Variants in TACC2 observed in about 807,000 individuals in gnomAD.
TACC2 encodes transforming acidic coiled-coil containing protein 2, also known as transforming acidic coiled-coil-containing protein 2.
TACC2 carries 137 observed loss-of-function variants against 227.3 expected under a neutral mutation model. The ratio of observed to expected loss-of-function variants is 0.60; its 90% confidence interval spans 0.52 to 0.69. The LOEUF (loss-of-function observed/expected upper bound fraction) is 0.69. Among genes scored for constraint, TACC2 ranks in the 30% least tolerant of loss-of-function variants. The pLI, the probability that TACC2 is intolerant of heterozygous loss-of-function variation, is 0.00. For missense variants in TACC2, 3,470 were observed against 3,694.4 expected, an observed-to-expected ratio of 0.94 and a Z score of 1.57; for synonymous variants, 1,523 against 1,487.5, an observed-to-expected ratio of 1.02 and a Z score of -0.55.
At chr10:122,172,843 G>C (rs1264216088) in intron 7 of TACC2, among the ~76,000 whole-genome samples, 4 of 152,126 alleles carry the variant, frequency 2.6e-5, no homozygotes, top group African/African-American at 9.7e-5. Context: ...AGGGCAGGGG[G>C]TGAGGGGCAG....
chr10:122,122,491 CTT>C (rs368366143), intron 5 of TACC2, among the ~76,000 whole-genome samples: 2 of 148,262 alleles, frequency 1.3e-5, no homozygotes, highest in African/African-American at 2.5e-5. Context: ...AAAATAATTC[CTT>C]TTTTTTTTTT....
intron 7 of TACC2, among the ~76,000 whole-genome samples, chr10:122,165,094 C>T (rs980268192): frequency 2.0e-5 from 3 of 152,156 alleles, no homozygotes; most frequent in Non-Finnish European, 4.4e-5. Flanking sequence ...GGTGTGCACC[C>T]ATCATTTGTC....
Position 122,086,149 on chromosome 10 carries a change from C to G in TACC2, c.3649C>G (p.Pro1217Ala), listed in dbSNP as rs374980249. ...GGATTTTTCTACACACCAGGCTGTC[C>G]CAGACCCAAAGGAGCTCCTGCTGTC... is the stretch of plus-strand genomic sequence containing the variant. ...TMDFSTHQAV[P>A]DPKELLLSGP... Residue 1217 changes from proline (P) to alanine (A), a missense_variant, in exon 4 of 23, where the codon CCA becomes GCA. Coordinates refer to ENST00000369005, the MANE Select transcript of TACC2 (RefSeq NM_206862.4). The G allele has an allele frequency of 6.2e-7, 1 of 1,613,606 alleles. No individual in the cohort carries two copies. Among genetic ancestry groups the G allele is most frequent in the East Asian group, 2.2e-5 (1 of 44,880 alleles).
chr10:122,192,437 C>T, intron 7 of TACC2: 1 of 325,722 alleles, frequency 3.1e-6, no homozygotes, highest in South Asian at 2.6e-5. Flanking sequence ...GCTTCAGAGC[C>T]TGCTGTCGCC....
At chr10:122,242,024 G>C (rs11200496) in intron 19 of TACC2, 23 bp downstream of exon 19, 582,285 of 1,608,720 alleles carry the variant, frequency 0.36, 108,325 homozygotes, top group South Asian at 0.44. Flanking sequence ...ACCTGCGGGG[G>C]CTCAGGCCGG....
intron 22 of TACC2, among the ~76,000 whole-genome samples, chr10:122,251,488 C>A (rs1243348894): frequency 6.6e-6 from 1 of 152,062 alleles, no homozygotes; most frequent in Non-Finnish European, 1.5e-5. Flanking sequence ...TCTTGATAAT[C>A]TATGTATGGC....
intron 14 of TACC2, among the ~76,000 whole-genome samples, chr10:122,228,474 G>C (rs758961484): frequency 6.6e-6 from 1 of 152,152 alleles, no homozygotes; most frequent in Non-Finnish European, 1.5e-5. Flanking sequence ...ACAGAGCTGA[G>C]CTGAAGGCCT....
At chr10:122,100,055 A>G (rs1435108390) in intron 5 of TACC2, among the ~76,000 whole-genome samples, 1 of 152,168 alleles carries the variant, frequency 6.6e-6, no homozygotes, top group East Asian at 1.9e-4. Flanking sequence ...ACCTGAGGTC[A>G]GGAGTTTGAG....
rs1187432340 is a variant in TACC2, at chr10:122,143,715, C to G, written c.5834+9C>G. The G allele has an allele frequency of 6.2e-7, 1 of 1,612,750 alleles. No homozygotes were observed. Among genetic ancestry groups the G allele is most frequent in the Non-Finnish European group, 8.5e-7 (1 of 1,179,206 alleles). On this transcript the variant is annotated intron_variant, in intron 7 of 22. Coordinates refer to ENST00000369005, the MANE Select transcript of TACC2 (RefSeq NM_206862.4). The stretch of plus-strand genomic sequence containing the variant: ...GCCAAGGACCTCAGCAGGTATTGCG[C>G]AAGTCCCCCTCCACAGCACCTGCCC...
Position 122,197,506 on chromosome 10 carries a change from T to C in TACC2, c.5971+2330T>C, listed in dbSNP as rs528916280. On this transcript the variant is annotated intron_variant, in intron 8 of 22. Transcript: ENST00000369005. ...CAAAGCAGAGAACAATCTCCATTCT[T>C]AAAACGAACACGCACAACATCCATC... is the stretch of plus-strand genomic sequence containing the variant. Among the ~76,000 whole-genome samples the C allele has an allele frequency of 2.6e-5, 4 of 152,324 alleles. No individual in the cohort carries two copies. The South Asian group carries it at 8.3e-4, about 32-fold the overall frequency.
chr10:122,191,646 T>TAGG (rs1293338339), intron 7 of TACC2, among the ~76,000 whole-genome samples: 1 of 152,248 alleles, frequency 6.6e-6, no homozygotes, highest in Non-Finnish European at 1.5e-5. Context: ...TGGTTTACAC[T>TAGG]ATAGAAATAT....
chr10:122,190,035 C>A (rs1360110321), intron 7 of TACC2, among the ~76,000 whole-genome samples: 1 of 152,116 alleles, frequency 6.6e-6, no homozygotes, highest in Non-Finnish European at 1.5e-5. Context: ...GCAAATGTAA[C>A]CATTTAATGA....
In TACC2 at chr10:122,210,309, C is replaced by T. The variant is rs28701549; in HGVS notation, c.5972-88C>T. Reference sequence around the variant, plus strand: ...TGGGGCCGTGGTTTGTCAACCCCTACGCTGGAGGGTGATGTTTTGGTACAA... The same window carrying T: ...TGGGGCCGTGGTTTGTCAACCCCTATGCTGGAGGGTGATGTTTTGGTACAA... On this transcript the variant is annotated intron_variant, in intron 8 of 22. Coordinates refer to ENST00000369005, the MANE Select transcript of TACC2 (RefSeq NM_206862.4). This position sits in a 1 kb window ranked among gnomAD's most constrained non-coding sequence, Gnocchi z 4.6. 4.8e-3 allele frequency: 5,170 copies of T among 1,088,074 alleles called. 137 individuals carry two copies. In the African/African-American group the frequency reaches 0.07, roughly 15 times the overall value. The allele number at this position is 1,088,074 out of a possible 1,614,324, so 67.4% of individuals were successfully genotyped here.
chr10:122,171,819 AT>A (rs758999219), intron 7 of TACC2, among the ~76,000 whole-genome samples: 10 of 152,242 alleles, frequency 6.6e-5, no homozygotes, highest in Non-Finnish European at 1.3e-4. Context: ...TAATTTGGGA[AT>A]AAAAATGAGC....
At chr10:122,142,975 C>G (rs1460478916) in intron 6 of TACC2, among the ~76,000 whole-genome samples, 1 of 152,186 alleles carries the variant, frequency 6.6e-6, no homozygotes, top group Non-Finnish European at 1.5e-5. Flanking sequence ...GCCCCGCACG[C>G]TGTGGTTCCC....
At position 122,254,405 on chromosome 10, in the gene TACC2, C is replaced by G. The variant is rs1305248145; in HGVS notation, c.*349C>G. The G allele has an allele frequency of 1.9e-5, 6 of 317,806 alleles. No homozygotes were observed. Among genetic ancestry groups the G allele is most frequent in the Non-Finnish European group, 3.6e-5 (6 of 167,156 alleles). The allele number at this position is 317,806 out of a possible 1,614,324, so 19.7% of individuals were successfully genotyped here. ...CTTTTGGATTTAATATGAACATGTA[C>G]AGCGTGCATAGGGACTCTTGCCTTA... On this transcript the variant is annotated 3_prime_UTR_variant, in exon 23 of 23. Transcript: ENST00000369005.
chr10:122,241,001 G>A (rs2095980251), intron 18 of TACC2, among the ~76,000 whole-genome samples: 1 of 152,206 alleles, frequency 6.6e-6, no homozygotes, highest in African/African-American at 2.4e-5. Flanking sequence ...GGAAGAAGAT[G>A]CGGATAAAAG....
Position 122,084,575 on chromosome 10 carries a change from G to T in TACC2, c.2075G>T (p.Gly692Val). 6.2e-7 allele frequency: 1 copy of T among 1,613,820 alleles called. No homozygotes were observed. The highest frequency in any genetic ancestry group is 8.5e-7 in the Non-Finnish European group (1 of 1,180,028). ...GAAGGAGCCATCTGGGAGGGGTCAGGATTGCAGCCCAAATGTCCTGACACC... is the reference window on the plus strand; with the variant it reads ...GAAGGAGCCATCTGGGAGGGGTCAGTATTGCAGCCCAAATGTCCTGACACC... ...VPEGAIWEGS[G>V]LQPKCPDTLQ... Residue 692 changes from glycine (G) to valine (V), a missense_variant, in exon 4 of 23, where the codon GGA (glycine) becomes GTA (valine). Transcript: ENST00000369005.
intron 5 of TACC2, among the ~76,000 whole-genome samples, chr10:122,093,959 G>A (rs748652339): frequency 6.6e-6 from 1 of 152,198 alleles, no homozygotes; most frequent in African/African-American, 2.4e-5. Flanking sequence ...CTGGATGAGC[G>A]TCTGTCTCCA....
Sources: gnomAD v4.1 joint callset for allele counts (sites outside exome capture counted in the v4.1 genomes callset) on GRCh38, gnomAD v4.1.1 for gene constraint, Gnocchi (gnomAD v3.1) non-coding constraint, MANE v1.5 for transcripts, NCBI Gene and HGNC (gene_info 2026-07-23, HGNC 2026-07-21) for gene names.